FAM219A: variants seen among roughly 807,000 people sequenced by gnomAD.
FAM219A encodes the protein protein FAM219A.
Under a neutral mutation model 23.4 loss-of-function variants are expected in FAM219A, and 7 were observed. That is an observed-to-expected ratio of 0.30 (90% CI 0.17 to 0.56). FAM219A has a LOEUF of 0.56. Among genes scored for constraint, FAM219A ranks in the 20% least tolerant of loss-of-function variants. The pLI is 0.92. For missense variants in FAM219A, 166 were observed against 246.9 expected (o/e 0.67, Z 2.20); for synonymous variants, 93 against 99.0 (o/e 0.94, Z 0.36).
intron 1 of FAM219A, among the ~76,000 whole-genome samples, chr9:34,428,762 C>T (rs370787150): frequency 2.6e-5 from 4 of 152,224 alleles, no homozygotes; most frequent in African/African-American, 9.6e-5. Context: ...CAAAACCCAA[C>T]ACAAACAAAC....
At position 34,458,302 on chromosome 9, in the gene FAM219A, C is replaced by A; in HGVS notation, c.-39G>T. The stretch of plus-strand genomic sequence containing the variant: ...GAGCGGGCCAGGGGCCGGGCGCGGC[C>A]GCGGACGCCGACAGGACCGCGCGGG... On this transcript the variant is annotated 5_prime_UTR_variant, in exon 1 of 6. Coordinates refer to ENST00000651358, the MANE Select transcript of FAM219A (RefSeq NM_001184940.2). This position sits in a 1 kb window ranked among gnomAD's most constrained non-coding sequence, Gnocchi z 6.6. 1 of 1,335,710 alleles carries A rather than the reference C, an allele frequency of 7.5e-7. No homozygotes were observed. 82.7% of individuals were successfully genotyped at this position (1,335,710 alleles called of 1,614,324 possible). A position where few individuals can be genotyped will look rare whatever the true frequency, so the allele number is the denominator to read the frequency against.
intron 1 of FAM219A, among the ~76,000 whole-genome samples, chr9:34,429,046 C>G (rs571661918): frequency 1.3e-5 from 2 of 152,342 alleles, no homozygotes; most frequent in Admixed American, 1.3e-4. Context: ...CTGGGGGCAG[C>G]CCTAGTCCTT....
chr9:34,433,925 G>T (rs928179118), intron 1 of FAM219A, among the ~76,000 whole-genome samples: 2 of 152,112 alleles, frequency 1.3e-5, no homozygotes, highest in African/African-American at 4.8e-5. Context: ...GGCCTCGGCC[G>T]GGCGCGGTGG....
chr9:34,446,106 G>A (rs1823359481), intron 1 of FAM219A, among the ~76,000 whole-genome samples: 1 of 150,900 alleles, frequency 6.6e-6, no homozygotes, highest in South Asian at 2.1e-4. Context: ...CTGGGAGGCA[G>A]AGGCTGCAGT....
chr9:34,403,227 A>C (rs960818342), intron 2 of FAM219A, among the ~76,000 whole-genome samples: 1 of 152,200 alleles, frequency 6.6e-6, no homozygotes, highest in Non-Finnish European at 1.5e-5. Context: ...AAAAGTGAGC[A>C]TAAGTGTGGC....
At chr9:34,430,329 G>A (rs1041982896) in intron 1 of FAM219A, among the ~76,000 whole-genome samples, 4 of 151,862 alleles carry the variant, frequency 2.6e-5, no homozygotes, top group African/African-American at 7.3e-5. Context: ...AGGAGTTCGA[G>A]ACCAGCCTAG....
intron 1 of FAM219A, among the ~76,000 whole-genome samples, chr9:34,411,751 A>C (rs1821832204): frequency 6.6e-6 from 1 of 152,204 alleles, no homozygotes; most frequent in Non-Finnish European, 1.5e-5. Flanking sequence ...ATAATTATTA[A>C]TAAAGGTAAC....
rs746480767 is a variant in FAM219A, at chr9:34,405,865, C to A, written c.160G>T (p.Glu54Ter). 1.2e-6 allele frequency: 2 copies of A among 1,613,964 alleles called. No individual in the cohort carries two copies. The highest frequency in any genetic ancestry group is 1.7e-6 in the Non-Finnish European group (2 of 1,179,914). Residue 54 changes from glutamate to a stop codon, truncating the protein, a stop_gained and splice_region_variant, in exon 2 of 6, where the codon GAG (glutamate) becomes TAG (stop). Transcript: ENST00000651358. LOFTEE classifies it high-confidence loss of function. Reference protein sequence around the residue: ...YKPSPLQVKLEKQRELARKGS... With the variant: ...YKPSPLQVKL Reference sequence around the variant, plus strand: ...TCCCTCACCCCCCAGACACACTCACCCAGCTTCACTTGGAGCGGGGATGGT... The same window carrying A: ...TCCCTCACCCCCCAGACACACTCACACAGCTTCACTTGGAGCGGGGATGGT...
At chr9:34,448,630 G>A (rs1331095103) in intron 1 of FAM219A, among the ~76,000 whole-genome samples, 3 of 152,284 alleles carry the variant, frequency 2.0e-5, no homozygotes, top group South Asian at 4.1e-4. Flanking sequence ...TCCCCTAATC[G>A]GGGAATCCAC....
intron 1 of FAM219A, among the ~76,000 whole-genome samples, chr9:34,450,826 G>C (rs953963784): frequency 6.6e-6 from 1 of 152,168 alleles, no homozygotes; most frequent in African/African-American, 2.4e-5. Flanking sequence ...ACCAGGCAAG[G>C]AGCCACAGTC....
At chr9:34,453,187 C>A (rs1823616071) in intron 1 of FAM219A, among the ~76,000 whole-genome samples, 1 of 152,134 alleles carries the variant, frequency 6.6e-6, no homozygotes, top group African/African-American at 2.4e-5. Context: ...GTCATCTGAC[C>A]ACAAGGAGGC....
intron 5 of FAM219A, 68 bp from the exon 6 acceptor site, chr9:34,401,190 C>G (rs902299109): frequency 6.4e-7 from 1 of 1,563,952 alleles, no homozygotes; most frequent in Non-Finnish European, 8.7e-7. Flanking sequence ...TCTGCGGCCA[C>G]TCCAGGCCGT....
At position 34,454,810 on chromosome 9, in the gene FAM219A, G is replaced by C. The variant is rs758765611; in HGVS notation, c.60+3394C>G. On this transcript the variant is annotated intron_variant, in intron 1 of 5. Transcript: ENST00000651358. ...TCAATTAAATAATTAAAAAAATAAAGATGTGCTCCCCCTAGAGTTTATCTT... is the reference window on the plus strand; with the variant it reads ...TCAATTAAATAATTAAAAAAATAAACATGTGCTCCCCCTAGAGTTTATCTT... Among the ~76,000 whole-genome samples the C allele has an allele frequency of 2.4e-3, 368 of 152,250 alleles. 3 individuals are homozygous for C. Among genetic ancestry groups the C allele is most frequent in the Non-Finnish European group, 2.2e-3 (151 of 68,010 alleles).
rs1344111159 is a variant in FAM219A, at chr9:34,402,909, C to CTCCT, written c.161-106_161-103dup. 13 of 991,296 alleles carry CTCCT rather than the reference C, an allele frequency of 1.3e-5. No individual in the cohort carries two copies. The Admixed American group carries it at 3.1e-4, about 24-fold the overall frequency. 61.4% of individuals were successfully genotyped at this position (991,296 alleles called of 1,614,324 possible). A position where few individuals can be genotyped will look rare whatever the true frequency, so the allele number is the denominator to read the frequency against. On this transcript the variant is annotated intron_variant, in intron 2 of 5. Transcript: ENST00000651358. The stretch of plus-strand genomic sequence containing the variant: ...TGGGCCTCCACTGTGAAACCACTTG[C>CTCCT]TCCTAGAAGGACTGAGGCAGGGATC...
chr9:34,458,481 C>G lies in FAM219A; in HGVS notation c.-218G>C. On this transcript the variant is annotated 5_prime_UTR_variant, in exon 1 of 6. Coordinates refer to ENST00000651358, the MANE Select transcript of FAM219A (RefSeq NM_001184940.2). The surrounding 1 kb of genome is among the most constrained non-coding windows in gnomAD (Gnocchi z 6.6). ...ACTCCGTGGGCTTGCCTAGCACTAC[C>G]GCGGCTGTGGCCGGGCCGAGCCGCA... is the stretch of plus-strand genomic sequence containing the variant. 1 of 384,986 alleles carries G rather than the reference C, an allele frequency of 2.6e-6. No homozygotes were observed. 23.8% of individuals were successfully genotyped at this position (384,986 alleles called of 1,614,324 possible). A position where few individuals can be genotyped will look rare whatever the true frequency, so the allele number is the denominator to read the frequency against.
At chr9:34,453,740 CA>C (rs1469078455) in intron 1 of FAM219A, among the ~76,000 whole-genome samples, 1 of 152,196 alleles carries the variant, frequency 6.6e-6, no homozygotes, top group East Asian at 1.9e-4. Flanking sequence ...GCACAGGAGG[CA>C]GGGTGTTGCC....
intron 1 of FAM219A, among the ~76,000 whole-genome samples, chr9:34,451,238 G>C (rs1823551180): frequency 6.6e-6 from 1 of 152,158 alleles, no homozygotes; most frequent in African/African-American, 2.4e-5. Context: ...GAGGCCTGTG[G>C]ATCATGTGCC....
At chr9:34,438,966 C>G (rs557843704) in intron 1 of FAM219A, among the ~76,000 whole-genome samples, 1 of 152,224 alleles carries the variant, frequency 6.6e-6, no homozygotes, top group Non-Finnish European at 1.5e-5. Flanking sequence ...TAACACTCAC[C>G]GCGAAGGTCT....
At chr9:34,401,542 A>G in intron 5 of FAM219A, 124 bp downstream of exon 5, 1 of 1,104,318 alleles carries the variant, frequency 9.1e-7, no homozygotes, top group Admixed American at 2.2e-5. Context: ...CACCCTGTGC[A>G]GGGCACCACC....
Sources: allele counts gnomAD v4.1 joint callset (sites outside exome capture counted in the v4.1 genomes callset), GRCh38; gene constraint gnomAD v4.1.1; non-coding constraint Gnocchi (gnomAD v3.1); transcripts MANE v1.5; gene names NCBI Gene and HGNC (gene_info 2026-07-23, HGNC 2026-07-21).